The following SLC20A2 variants were observed in gnomAD, a reference collection of about 807,000 sequenced individuals.
The protein encoded by SLC20A2 is sodium-dependent phosphate transporter 2.
Under a neutral mutation model 61.0 loss-of-function variants are expected in SLC20A2, and 30 were observed. The ratio of observed to expected loss-of-function variants is 0.49; its 90% CI spans 0.37 to 0.67. The LOEUF is 0.67. Among genes scored for constraint, SLC20A2 ranks in the 30% least tolerant of loss-of-function variants. The pLI is 0.00. For synonymous variants in SLC20A2, 351 were observed against 353.3 expected, an observed-to-expected ratio of 0.99 and a Z score of 0.07; for missense variants, 626 against 866.4, an observed-to-expected ratio of 0.72 and a Z score of 3.48.
intron 1 of SLC20A2, among the ~76,000 whole-genome samples, chr8:42,486,743 C>G (rs1161631969): frequency 6.6e-6 from 1 of 152,220 alleles, no homozygotes; most frequent in Non-Finnish European, 1.5e-5. Flanking sequence ...CTCTCTGTCT[C>G]TTAAACTTCT....
intron 1 of SLC20A2, among the ~76,000 whole-genome samples, chr8:42,514,878 C>T (rs1811240016): frequency 6.6e-6 from 1 of 151,818 alleles, no homozygotes; most frequent in African/African-American, 2.4e-5. Context: ...CTTAGGGAAG[C>T]CTGGTGTAAA....
intron 4 of SLC20A2, among the ~76,000 whole-genome samples, chr8:42,461,840 C>A (rs1251837307): frequency 6.6e-6 from 1 of 152,148 alleles, no homozygotes; most frequent in Non-Finnish European, 1.5e-5. Flanking sequence ...CTCATCCAAG[C>A]ATCTGTCATT....
chr8:42,434,627 C>T (rs1011161209), intron 8 of SLC20A2, among the ~76,000 whole-genome samples: 6 of 152,170 alleles, frequency 3.9e-5, no homozygotes, highest in Admixed American at 6.5e-5. Context: ...ATGTTAGAGA[C>T]AGGGTGGGAT....
intron 1 of SLC20A2, among the ~76,000 whole-genome samples, chr8:42,529,189 G>A (rs893824247): frequency 4.6e-5 from 7 of 151,748 alleles, no homozygotes; most frequent in Admixed American, 2.0e-4. Flanking sequence ...GGCTGCTCTT[G>A]AACTCCAAGG....
chr8:42,429,979 G>A (rs1017260660), intron 9 of SLC20A2, 85 bp downstream of exon 9: 24 of 1,228,524 alleles, frequency 2.0e-5, no homozygotes, highest in Non-Finnish European at 2.5e-5. Flanking sequence ...CCAGTGCTGA[G>A]CAGGCCGTTC....
At chr8:42,438,050 T>TA (rs1257674048) in intron 7 of SLC20A2, among the ~76,000 whole-genome samples, 2,551 of 15,732 alleles carry the variant, frequency 0.16, 829 homozygotes, top group East Asian at 0.34. Context: ...TGGTTACCAC[T>TA]AAAAAAAAAA....
At chr8:42,424,558 C>T (rs1051524474) in intron 10 of SLC20A2, among the ~76,000 whole-genome samples, 1 of 152,168 alleles carries the variant, frequency 6.6e-6, no homozygotes, top group African/African-American at 2.4e-5. Context: ...ATATGAAATA[C>T]AAAATATATA....
intron 8 of SLC20A2, among the ~76,000 whole-genome samples, chr8:42,430,933 T>C (rs2130970257): frequency 1.3e-5 from 2 of 152,344 alleles, no homozygotes; most frequent in South Asian, 4.1e-4. Context: ...GCTGTGTGTG[T>C]TCTCCCTGCT....
chr8:42,504,918 G>C (rs1033655218), upstream of SLC20A2, among the ~76,000 whole-genome samples: 65 of 143,974 alleles, frequency 4.5e-4, no homozygotes, highest in Admixed American at 1.7e-3. Flanking sequence ...CAGGTACTGG[G>C]GACAGATACA....
In SLC20A2 at chr8:42,472,442, A is replaced by T; in HGVS notation, c.-52T>A. 6.4e-7 allele frequency: 1 copy of T among 1,552,534 alleles called. No individual in the cohort carries two copies. The highest frequency in any genetic ancestry group is 8.8e-7 in the Non-Finnish European group (1 of 1,137,778). On this transcript the variant is annotated 5_prime_UTR_variant, in exon 2 of 11. Coordinates refer to ENST00000520262, the MANE Select transcript of SLC20A2 (RefSeq NM_001257180.2). The surrounding 1 kb of genome is among the most constrained non-coding windows in gnomAD (Gnocchi z 4.1). ...TCTTTTGCAGGAATATTTTAAATAA[A>T]CAAAGCTTGAGGTTATAAACTTCGT...
intron 1 of SLC20A2, chr8:42,484,967 C>T (rs568884321): frequency 2.7e-5 from 9 of 327,978 alleles, no homozygotes; most frequent in African/African-American, 2.0e-4. Flanking sequence ...CGACTAAGCA[C>T]AAGGCCTGCA....
chr8:42,529,573 G>A (rs1812199733), intron 1 of SLC20A2, among the ~76,000 whole-genome samples: 1 of 152,114 alleles, frequency 6.6e-6, no homozygotes, highest in African/African-American at 2.4e-5. Flanking sequence ...GAAAAGCTCA[G>A]TTTCTCAAAA....
intron 1 of SLC20A2, among the ~76,000 whole-genome samples, chr8:42,496,555 C>G (rs905866584): frequency 4.6e-5 from 7 of 152,210 alleles, no homozygotes; most frequent in Admixed American, 2.6e-4. Flanking sequence ...GAGGAGAAGG[C>G]AGAGCACTTA....
chr8:42,438,518 G>A (rs948395956), intron 7 of SLC20A2, among the ~76,000 whole-genome samples: 2 of 152,178 alleles, frequency 1.3e-5, no homozygotes, highest in African/African-American at 2.4e-5. Context: ...GTCAAAGGCA[G>A]TATCTGAGAT....
intron 5 of SLC20A2, among the ~76,000 whole-genome samples, chr8:42,449,935 G>A (rs914941238): frequency 6.6e-6 from 1 of 152,128 alleles, no homozygotes; most frequent in African/African-American, 2.4e-5. Context: ...ATAACAATAT[G>A]CTGCGGATAT....
intron 1 of SLC20A2, among the ~76,000 whole-genome samples, chr8:42,506,891 G>C (rs2131363962): frequency 6.6e-6 from 1 of 152,316 alleles, no homozygotes; most frequent in South Asian, 2.1e-4. Flanking sequence ...GCTGGGCCCT[G>C]GAAAGTGCTG....
chr8:42,464,090 A>ATATTTTTTTTT (rs1563488008), intron 3 of SLC20A2, among the ~76,000 whole-genome samples: 1 of 19,996 alleles, frequency 5.0e-5, no homozygotes, highest in Non-Finnish European at 1.3e-4. Flanking sequence ...AGGCTGGATG[A>ATATTTTTTTTT]TCTTTTTTTT....
At chr8:42,429,983 G>T in intron 9 of SLC20A2, 81 bp downstream of exon 9, 2 of 1,280,076 alleles carry the variant, frequency 1.6e-6, no homozygotes, top group Non-Finnish European at 1.1e-6. Context: ...TGCTGAGCAG[G>T]CCGTTCAGAC....
intron 4 of SLC20A2, among the ~76,000 whole-genome samples, chr8:42,460,809 T>C (rs1806636051): frequency 6.6e-6 from 1 of 152,136 alleles, no homozygotes; most frequent in South Asian, 2.1e-4. Context: ...GAAACTCCCA[T>C]CAATGTAACA....
Sources: gnomAD v4.1 joint callset for allele counts (sites outside exome capture counted in the v4.1 genomes callset) on GRCh38, gnomAD v4.1.1 for gene constraint, Gnocchi (gnomAD v3.1) non-coding constraint, MANE v1.5 for transcripts, NCBI Gene and HGNC (gene_info 2026-07-23, HGNC 2026-07-21) for gene names.